The following CENPV variants were observed in gnomAD, a reference collection of about 807,000 sequenced individuals.
CENPV encodes the protein centromere protein V.
Under a neutral mutation model 26.4 loss-of-function variants are expected in CENPV, and 15 were observed. The ratio of observed to expected loss-of-function variants is 0.57; its 90% CI spans 0.38 to 0.88. The LOEUF (loss-of-function observed/expected upper bound fraction) is 0.88. Among genes scored for constraint, CENPV ranks in the 40% least tolerant of loss-of-function variants. The pLI is 0.00. For synonymous variants in CENPV, 172 were observed against 165.5 expected, an observed-to-expected ratio of 1.04 and a Z score of -0.30; for missense variants, 336 against 376.5, an observed-to-expected ratio of 0.89 and a Z score of 0.89.
chr17:16,345,329 G>T (rs1299896670), intron 3 of CENPV, among the ~76,000 whole-genome samples: 1 of 42,672 alleles, frequency 2.3e-5, no homozygotes, highest in Non-Finnish European at 5.2e-5. Flanking sequence ...CCAACACTTT[G>T]AGGCCGAGGC....
intron 2 of CENPV, chr17:16,349,725 G>A: frequency 7.4e-7 from 1 of 1,352,984 alleles, no homozygotes; most frequent in South Asian, 1.7e-5. Flanking sequence ...GTGTCACCTG[G>A]GCCATGCTGT....
intron 2 of CENPV, chr17:16,348,939 C>T: frequency 8.0e-7 from 1 of 1,242,932 alleles, no homozygotes; most frequent in Non-Finnish European, 1.0e-6. Context: ...CAGGTCTGTA[C>T]TGCCCACCCC....
At position 16,346,350 on chromosome 17, in the gene CENPV, C is replaced by T. The variant is rs143203653; in HGVS notation, c.580-1639G>A. 2.7e-3 allele frequency among the ~76,000 whole-genome samples: 408 copies of T among 152,186 alleles called. 5 individuals carry two copies. Among genetic ancestry groups the T allele is most frequent in the Admixed American group, 8.1e-3 (123 of 15,270 alleles). On this transcript the variant is annotated intron_variant, in intron 3 of 4. Transcript: ENST00000299736. The stretch of plus-strand genomic sequence containing the variant: ...TTGAAAATGTCCCTCAATAGAGGAC[C>T]GGTTAGGCATTATGGACACTCATAA...
chr17:16,352,924 A>C, intron 1 of CENPV, 103 bp downstream of exon 1: 1 of 1,373,704 alleles, frequency 7.3e-7, no homozygotes, highest in Non-Finnish European at 9.4e-7. Context: ...GAAGGCTCAG[A>C]GCTGAAAGGC....
intron 3 of CENPV, 39 bp downstream of exon 3, chr17:16,348,577 T>A: frequency 6.2e-7 from 1 of 1,612,158 alleles, no homozygotes; most frequent in Admixed American, 1.7e-5. Context: ...ATCTCACCAA[T>A]GGGTTCTGCA....
In CENPV at chr17:16,349,772, A is replaced by T. The variant is rs1422460512; in HGVS notation, c.509+159T>A. 4 of 1,434,728 alleles carry T rather than the reference A, an allele frequency of 2.8e-6. No individual in the cohort carries two copies. The East Asian group carries it at 7.8e-5, about 28-fold the overall frequency. The allele number at this position is 1,434,728 out of a possible 1,614,324, so 88.9% of individuals were successfully genotyped here. ...GATGAGCCATATAAAAGGAACAAAAATAGAACAATGAACCTTTCTGTCCCC... is the reference window on the plus strand; with the variant it reads ...GATGAGCCATATAAAAGGAACAAAATTAGAACAATGAACCTTTCTGTCCCC... On this transcript the variant is annotated intron_variant, in intron 2 of 4. Coordinates refer to ENST00000299736, the MANE Select transcript of CENPV (RefSeq NM_181716.3).
chr17:16,352,423 G>A (rs1327922274), intron 1 of CENPV, among the ~76,000 whole-genome samples: 1 of 152,142 alleles, frequency 6.6e-6, no homozygotes, highest in Non-Finnish European at 1.5e-5. Flanking sequence ...AGGTATCCCC[G>A]CCGCCGCGCG....
At chr17:16,351,577 A>G (rs2093229287) in intron 1 of CENPV, 1 of 152,216 alleles carries the variant, frequency 6.6e-6, no homozygotes, top group East Asian at 1.9e-4. Context: ...ACCCAGAGGG[A>G]TCTACAGTTA....
chr17:16,347,951 TAAAC>T (rs1181393209), intron 3 of CENPV: 2 of 152,196 alleles, frequency 1.3e-5, no homozygotes, highest in Non-Finnish European at 2.9e-5. Flanking sequence ...TTCTACTTAA[TAAAC>T]ATAAGACAAT....
rs2093235130 is a variant in CENPV at position 16,353,251 on chromosome 17, C to A, written c.186G>T (p.Arg62=). The change falls in exon 1 of 5, where the codon CGG becomes CGT. Residue 62 remains arginine (R), a synonymous_variant. Coordinates refer to ENST00000299736, the MANE Select transcript of CENPV (RefSeq NM_181716.3). ...AVEKPPSEKP[R]LRRSSPRAQE... ...GGGCCCGCGGCGACGAGCGCCTCAG[C>A]CGCGGCTTCTCCGACGGCGGCTTCT... 3.5e-6 allele frequency: 5 copies of A among 1,416,532 alleles called. No homozygotes were observed. Among genetic ancestry groups the A allele is most frequent in the Non-Finnish European group, 4.6e-6 (5 of 1,086,336 alleles). 87.7% of individuals were successfully genotyped at this position (1,416,532 alleles called of 1,614,324 possible).
At chr17:16,345,244 A>T (rs1229372806) in intron 3 of CENPV, among the ~76,000 whole-genome samples, 1 of 145,974 alleles carries the variant, frequency 6.9e-6, no homozygotes, top group Non-Finnish European at 1.5e-5. Flanking sequence ...CCTGGGCAAC[A>T]GAGCGAGACT....
chr17:16,346,000 A>G (rs187146242), intron 3 of CENPV, among the ~76,000 whole-genome samples: 98 of 152,340 alleles, frequency 6.4e-4, no homozygotes, highest in Non-Finnish European at 1.2e-3. Flanking sequence ...CAGTTCAGAT[A>G]GAAAGAAAAA....
intron 4 of CENPV, 169 bp downstream of exon 4, chr17:16,344,428 A>G (rs989052211): frequency 5.2e-6 from 2 of 381,488 alleles, no homozygotes; most frequent in Non-Finnish European, 9.4e-6. Flanking sequence ...CCGGAGCCCG[A>G]CTCACATTCT....
chr17:16,352,971 T>C, intron 1 of CENPV, 56 bp downstream of exon 1: 4 of 1,476,504 alleles, frequency 2.7e-6, no homozygotes, highest in Non-Finnish European at 3.6e-6. Flanking sequence ...GCCCGACTCC[T>C]GCCGAGGGGG....
intron 2 of CENPV, 53 bp downstream of exon 2, chr17:16,349,878 C>T: frequency 6.3e-7 from 1 of 1,599,820 alleles, no homozygotes. Context: ...TGAAATATTG[C>T]ATTTTAACTC....
intron 3 of CENPV, among the ~76,000 whole-genome samples, chr17:16,346,998 G>C (rs1051576466): frequency 6.6e-6 from 1 of 151,818 alleles, no homozygotes; most frequent in African/African-American, 2.4e-5. Flanking sequence ...CTATAGGCAT[G>C]CAACACCACA....
chr17:16,343,845 G>A (rs1348557311), intron 4 of CENPV, among the ~76,000 whole-genome samples: 1 of 151,732 alleles, frequency 6.6e-6, no homozygotes, highest in African/African-American at 2.4e-5. Context: ...AGCTCTGGAG[G>A]CTGCACTGAC....
At chr17:16,349,042 C>G (rs1246316585) in intron 2 of CENPV, 4 of 1,002,272 alleles carry the variant, frequency 4.0e-6, no homozygotes, top group Non-Finnish European at 3.6e-6. Flanking sequence ...TCTGAGACAT[C>G]CACACCAAAA....
intron 2 of CENPV, chr17:16,349,660 G>T: frequency 8.3e-7 from 1 of 1,208,168 alleles, no homozygotes; most frequent in Non-Finnish European, 1.0e-6. Context: ...CTCCTCAGCA[G>T]TGTCAGTCTG....
Sources: gnomAD v4.1 joint callset for allele counts (sites outside exome capture counted in the v4.1 genomes callset) on GRCh38, gnomAD v4.1.1 for gene constraint, MANE v1.5 for transcripts, NCBI Gene and HGNC (gene_info 2026-07-23, HGNC 2026-07-21) for gene names.